The following STUM variants were observed in gnomAD, a reference collection of about 807,000 sequenced individuals.
STUM encodes protein stum homolog.
Under a neutral mutation model 15.3 loss-of-function variants are expected in STUM, and 8 were observed. The ratio of observed to expected loss-of-function variants is 0.52; its 90% CI spans 0.31 to 0.94. The LOEUF (loss-of-function observed/expected upper bound fraction) is 0.94, where lower values mean the gene tolerates loss of function less well. STUM is among the 40% of genes least tolerant of loss of function. STUM has a pLI of 0.05. For synonymous variants in STUM, 78 were observed against 88.7 expected, an observed-to-expected ratio of 0.88 and a Z score of 0.68; for missense variants, 142 against 204.9, an observed-to-expected ratio of 0.69 and a Z score of 1.87.
intron 1 of STUM, among the ~76,000 whole-genome samples, chr1:226,579,268 G>A (rs1285089927): frequency 6.6e-6 from 1 of 152,224 alleles, no homozygotes; most frequent in Non-Finnish European, 1.5e-5. Context: ...GGCATTAGCT[G>A]AGTGATGGGG....
At position 226,603,462 on chromosome 1, in the gene STUM, A is replaced by G. The variant is rs1668304850; in HGVS notation, c.*1422A>G. Reference sequence around the variant, plus strand: ...TTTCATTTTCATTCTAACATAGGAAATGCTAACAGATGGGGCTGGCCCAAA... The same window carrying G: ...TTTCATTTTCATTCTAACATAGGAAGTGCTAACAGATGGGGCTGGCCCAAA... On this transcript the variant is annotated 3_prime_UTR_variant, in exon 4 of 4. Transcript: ENST00000366788. 1.3e-5 allele frequency: 2 copies of G among 152,398 alleles called. No individual in the cohort carries two copies. Among genetic ancestry groups the G allele is most frequent in the South Asian group, 2.1e-4 (1 of 4,832 alleles). The allele number at this position is 152,398 out of a possible 1,614,324, so 9.4% of individuals were successfully genotyped here.
At chr1:226,597,569 G>C (rs1668203066) in intron 2 of STUM, among the ~76,000 whole-genome samples, 1 of 152,200 alleles carries the variant, frequency 6.6e-6, no homozygotes, top group African/African-American at 2.4e-5. Flanking sequence ...AGCCAGGTAA[G>C]AGTGGCAGAG....
chr1:226,582,595 CAAA>C (rs11336086), intron 1 of STUM, among the ~76,000 whole-genome samples: 11 of 140,086 alleles, frequency 7.9e-5, no homozygotes, highest in Non-Finnish European at 9.3e-5. Flanking sequence ...CATGCCATCT[CAAA>C]AAAAAAAAAA....
intron 1 of STUM, among the ~76,000 whole-genome samples, chr1:226,576,789 C>A (rs189218644): frequency 7.2e-5 from 11 of 152,330 alleles, no homozygotes; most frequent in Admixed American, 3.3e-4. Flanking sequence ...AACCCACAAA[C>A]ACAGCTTGTC....
chr1:226,596,467 T>C (rs1366566598), intron 1 of STUM, among the ~76,000 whole-genome samples: 1 of 152,200 alleles, frequency 6.6e-6, no homozygotes, highest in Admixed American at 6.5e-5. Context: ...AACTGCCTGT[T>C]GTCCTTGCAA....
chr1:226,592,397 A>C (rs922573204), intron 1 of STUM, among the ~76,000 whole-genome samples: 1 of 152,178 alleles, frequency 6.6e-6, no homozygotes, highest in African/African-American at 2.4e-5. Flanking sequence ...GACTGAAAAG[A>C]ACTCAGCCTT....
chr1:226,584,135 A>T (rs1237747307), intron 1 of STUM, among the ~76,000 whole-genome samples: 1 of 152,120 alleles, frequency 6.6e-6, no homozygotes, highest in Non-Finnish European at 1.5e-5. Context: ...AACCAGGGTG[A>T]CTCGATGGTT....
chr1:226,573,580 A>G (rs771077450), intron 1 of STUM, among the ~76,000 whole-genome samples: 1 of 152,222 alleles, frequency 6.6e-6, no homozygotes, highest in Non-Finnish European at 1.5e-5. Context: ...ATGGTGACTC[A>G]TAGTGATCCA....
intron 1 of STUM, among the ~76,000 whole-genome samples, chr1:226,590,988 G>A (rs568780802): frequency 6.6e-6 from 1 of 152,320 alleles, no homozygotes; most frequent in East Asian, 1.9e-4. Flanking sequence ...ACCTGTCTGG[G>A]CTCCCATTCC....
At chr1:226,550,283 CGT>C (rs1558275630) in intron 1 of STUM, among the ~76,000 whole-genome samples, 1 of 152,248 alleles carries the variant, frequency 6.6e-6, no homozygotes, top group Non-Finnish European at 1.5e-5. Context: ...ACGCAGGACC[CGT>C]TCACTTTCCC....
intron 1 of STUM, among the ~76,000 whole-genome samples, chr1:226,579,589 A>G (rs1667885745): frequency 6.6e-6 from 1 of 151,412 alleles, no homozygotes; most frequent in Non-Finnish European, 1.5e-5. Flanking sequence ...GAAAGAGTTC[A>G]GTGGGGATCA....
chr1:226,593,203 A>AT (rs397776250), intron 1 of STUM, among the ~76,000 whole-genome samples: 2 of 150,940 alleles, frequency 1.3e-5, no homozygotes, highest in Non-Finnish European at 3.0e-5. Flanking sequence ...AAAAAAAAAA[A>AT]TCCACCCTGC....
intron 1 of STUM, among the ~76,000 whole-genome samples, chr1:226,561,796 C>A (rs1667546131): frequency 6.6e-6 from 1 of 152,142 alleles, no homozygotes; most frequent in Non-Finnish European, 1.5e-5. Flanking sequence ...AAAGTGTCTA[C>A]CCTTGGAATG....
intron 1 of STUM, among the ~76,000 whole-genome samples, chr1:226,577,392 C>T (rs1427039953): frequency 6.6e-5 from 10 of 152,084 alleles, no homozygotes; most frequent in South Asian, 2.1e-4. Flanking sequence ...TAGTACAGCT[C>T]GAGACCATGG....
At chr1:226,564,888 C>G (rs747661657) in intron 1 of STUM, among the ~76,000 whole-genome samples, 1 of 152,178 alleles carries the variant, frequency 6.6e-6, no homozygotes, top group Non-Finnish European at 1.5e-5. Context: ...GACTAAGAAG[C>G]CTTGCCCTAG....
At chr1:226,579,543 G>T (rs1219880032) in intron 1 of STUM, among the ~76,000 whole-genome samples, 1 of 152,218 alleles carries the variant, frequency 6.6e-6, no homozygotes, top group Non-Finnish European at 1.5e-5. Flanking sequence ...AGAGTGAGGG[G>T]CCGTGGAGGC....
Position 226,564,275 on chromosome 1 carries a change from G to A in STUM, c.202+15169G>A, listed in dbSNP as rs542055645. 9.2e-5 allele frequency among the ~76,000 whole-genome samples: 14 copies of A among 152,324 alleles called. No individual in the cohort carries two copies. The South Asian group carries it at 2.7e-3, about 29-fold the overall frequency. On this transcript the variant is annotated intron_variant, in intron 1 of 3. Coordinates refer to ENST00000366788, the MANE Select transcript of STUM (RefSeq NM_001003665.4). The stretch of plus-strand genomic sequence containing the variant: ...GTTTCCCTGAGGACTTAGGAGCTAG[G>A]TTACCCTGTTTCAAGATGTCGGTCC...
At chr1:226,574,821 T>C (rs1667779861) in intron 1 of STUM, among the ~76,000 whole-genome samples, 1 of 151,538 alleles carries the variant, frequency 6.6e-6, no homozygotes, top group Admixed American at 6.6e-5. Flanking sequence ...GCAAGAGAAG[T>C]GATAGGACTC....
chr1:226,571,526 A>G (rs1558280972), intron 1 of STUM, among the ~76,000 whole-genome samples: 1 of 152,206 alleles, frequency 6.6e-6, no homozygotes, highest in Non-Finnish European at 1.5e-5. Flanking sequence ...AATTGAGTTC[A>G]AGGTTAGTGA....
Sources: gnomAD v4.1 joint callset for allele counts (sites outside exome capture counted in the v4.1 genomes callset) on GRCh38, gnomAD v4.1.1 for gene constraint, MANE v1.5 for transcripts, NCBI Gene and HGNC (gene_info 2026-07-23, HGNC 2026-07-21) for gene names.